Variants in MMP26 observed in about 807,000 individuals in gnomAD.
The protein encoded by MMP26 is matrix metalloproteinase-26.
In MMP26, 33 loss-of-function variants were observed where a neutral mutation model predicts 31.0. The ratio of observed to expected loss-of-function variants is 1.06; its 90% CI spans 0.81 to 1.42. The LOEUF is 1.42. Among genes scored for constraint, MMP26 ranks in the 40% most tolerant of loss-of-function variants. MMP26 has a pLI of 0.00. For synonymous variants in MMP26, 122 were observed against 114.9 expected, an observed-to-expected ratio of 1.06 and a Z score of -0.40; for missense variants, 347 against 316.1, an observed-to-expected ratio of 1.10 and a Z score of -0.74.
rs148246125 is a variant in MMP26 at position 4,923,729 on chromosome 11, A to G, written c.-144-64339A>G. ...GTCCACACCCACGGTGCAGGCCACA[A>G]CAAAGAGCCCATAGATGTGATTGAC... On this transcript the variant is annotated intron_variant, in intron 2 of 7. Coordinates refer to ENST00000380390, the MANE Select transcript of MMP26 (RefSeq NM_021801.5). 6.7e-5 allele frequency: 108 copies of G among 1,614,148 alleles called. 1 individual carries two copies. In the South Asian group the frequency reaches 1.0e-3, roughly 15 times the overall value.
At chr11:4,804,567 G>A (rs1849238352) in intron 2 of MMP26, 3 of 772,912 alleles carry the variant, frequency 3.9e-6, no homozygotes, top group Non-Finnish European at 7.2e-6. Flanking sequence ...AACATGACAT[G>A]ATGTTACTGT....
At chr11:4,955,944 G>T (rs568860318) in intron 2 of MMP26, among the ~76,000 whole-genome samples, 1 of 152,226 alleles carries the variant, frequency 6.6e-6, no homozygotes, top group East Asian at 1.9e-4. Flanking sequence ...TAATGCATTG[G>T]GAAAATTATT....
intron 1 of MMP26, among the ~76,000 whole-genome samples, chr11:4,714,882 C>T (rs974422978): frequency 2.7e-5 from 4 of 149,900 alleles, no homozygotes; most frequent in Non-Finnish European, 5.9e-5. Context: ...CAGAGTCTTC[C>T]ATCAGTAAAA....
rs781016747 is a variant in MMP26, at chr11:4,923,790, G to A, written c.-144-64278G>A. The A allele has an allele frequency of 4.3e-6, 7 of 1,613,878 alleles. No homozygotes were observed. The African/African-American group carries it at 6.7e-5, about 15-fold the overall frequency. ...GAGCAGGCCAGCTTCATGATCTCCA[G>A]GTGAAGACAATAAGCATGAGCCAGC... On this transcript the variant is annotated intron_variant, in intron 2 of 7. Coordinates refer to ENST00000380390, the MANE Select transcript of MMP26 (RefSeq NM_021801.5).
In MMP26 at chr11:4,992,146, A is replaced by G. The variant is rs374291811; in HGVS notation, c.757+21A>G. 1.4e-5 allele frequency: 22 copies of G among 1,612,120 alleles called. No individual in the cohort carries two copies. The African/African-American group carries it at 2.1e-4, about 16-fold the overall frequency. On this transcript the variant is annotated intron_variant, in intron 7 of 7. Coordinates refer to ENST00000380390, the MANE Select transcript of MMP26 (RefSeq NM_021801.5). Reference sequence around the variant, plus strand: ...GTATGGTCTGTGCTGCTTAAGGAAGAGAAGGGAGATCTGGGCAGGAAAATT... The same window carrying G: ...GTATGGTCTGTGCTGCTTAAGGAAGGGAAGGGAGATCTGGGCAGGAAAATT...
intron 2 of MMP26, among the ~76,000 whole-genome samples, chr11:4,987,478 G>A (rs1846920816): frequency 6.6e-6 from 1 of 151,696 alleles, no homozygotes; most frequent in Non-Finnish European, 1.5e-5. Context: ...GAGTGCAGTG[G>A]CGCGATCTCG....
chr11:4,863,625 TG>T (rs1850195035), intron 2 of MMP26: 2 of 152,192 alleles, frequency 1.3e-5, no homozygotes, highest in Non-Finnish European at 2.9e-5. Context: ...TTCATCAACC[TG>T]GTGCTATGGT....
At chr11:4,805,712 A>G (rs1350882548) in intron 2 of MMP26, among the ~76,000 whole-genome samples, 1 of 152,208 alleles carries the variant, frequency 6.6e-6, no homozygotes, top group East Asian at 1.9e-4. Context: ...ACAATATTCT[A>G]AATACCCAGA....
chr11:4,934,937 C>A (rs1364403216), intron 2 of MMP26, among the ~76,000 whole-genome samples: 2 of 151,554 alleles, frequency 1.3e-5, no homozygotes, highest in African/African-American at 2.4e-5. Context: ...TGATCTATAT[C>A]TCTGTTTTGT....
At chr11:4,986,960 C>CCTCTCTCTCTCT (rs149249645) in intron 2 of MMP26, among the ~76,000 whole-genome samples, 1 of 53,336 alleles carries the variant, frequency 1.9e-5, no homozygotes, top group African/African-American at 7.4e-5. Context: ...TCTCTCTCTC[C>CCTCTCTCTCTCT]CTCTCTCTCT....
chr11:4,716,718 A>G (rs1019002655), intron 1 of MMP26, among the ~76,000 whole-genome samples: 10 of 119,324 alleles, frequency 8.4e-5, no homozygotes, highest in African/African-American at 2.3e-4. Context: ...CTGGAGTGCA[A>G]TGGTGCGATC....
intron 2 of MMP26, among the ~76,000 whole-genome samples, chr11:4,796,597 T>C (rs1433921): frequency 0.19 from 29,534 of 152,128 alleles, 3,174 homozygotes; most frequent in African/African-American, 0.27. Context: ...ACTTTTAATA[T>C]ACACATACTT....
intron 1 of MMP26, among the ~76,000 whole-genome samples, chr11:4,721,845 G>C (rs1848017397): frequency 1.3e-5 from 2 of 152,164 alleles, no homozygotes; most frequent in South Asian, 4.1e-4. Context: ...AGTTGGAGGA[G>C]ACATTCTGCT....
At chr11:4,772,123 A>C (rs993603982) in intron 2 of MMP26, among the ~76,000 whole-genome samples, 8 of 152,188 alleles carry the variant, frequency 5.3e-5, no homozygotes, top group African/African-American at 1.9e-4. Flanking sequence ...ACAGAGCAAA[A>C]AAGAAACCAC....
intron 2 of MMP26, chr11:4,907,360 C>G: frequency 6.4e-7 from 1 of 1,567,938 alleles, no homozygotes; most frequent in Non-Finnish European, 8.8e-7. Flanking sequence ...GAGCTCATAT[C>G]TCCCTCATTA....
chr11:4,896,675 G>C (rs964190322), intron 2 of MMP26, among the ~76,000 whole-genome samples: 2 of 152,054 alleles, frequency 1.3e-5, no homozygotes, highest in African/African-American at 4.8e-5. Context: ...TACAATCAAC[G>C]AGGTGTTTTC....
rs569520923 is a variant in MMP26, at chr11:4,977,165, T to A, written c.-144-10903T>A. Among the ~76,000 whole-genome samples, 287 of 152,050 alleles carry A rather than the reference T, an allele frequency of 1.9e-3. 6 individuals are homozygous for A. Among genetic ancestry groups the A allele is most frequent in the African/African-American group, 6.8e-3 (281 of 41,320 alleles). On this transcript the variant is annotated intron_variant, in intron 2 of 7. Transcript: ENST00000380390. ...TACTCATATTTGTCTTTGATAATGA[T>A]GTTGTTGCACGTTGAAATCCCTTTG...
intron 2 of MMP26, among the ~76,000 whole-genome samples, chr11:4,858,496 C>T (rs942793773): frequency 6.6e-6 from 1 of 152,074 alleles, no homozygotes; most frequent in Non-Finnish European, 1.5e-5. Context: ...AATAAAATAC[C>T]TAGGAATCCA....
At chr11:4,958,738 T>G (rs1025986103) in intron 2 of MMP26, among the ~76,000 whole-genome samples, 6 of 152,216 alleles carry the variant, frequency 3.9e-5, no homozygotes, top group African/African-American at 1.2e-4. Flanking sequence ...TAGTTACGCC[T>G]CTTGAGCTTT....
Sources: gnomAD v4.1 joint callset for allele counts (sites outside exome capture counted in the v4.1 genomes callset) on GRCh38, gnomAD v4.1.1 for gene constraint, MANE v1.5 for transcripts, NCBI Gene and HGNC (gene_info 2026-07-23, HGNC 2026-07-21) for gene names.